Variants in ATP9B observed in about 807,000 individuals in gnomAD.
ATP9B encodes ATPase phospholipid transporting 9B, also known as probable phospholipid-transporting ATPase IIB.
In ATP9B, 110 loss-of-function variants were observed where a neutral mutation model predicts 146.1. That is an observed-to-expected ratio of 0.75 (90% CI 0.65 to 0.88). ATP9B has a LOEUF of 0.88. ATP9B is among the 40% of genes least tolerant of loss of function. The pLI, the probability that ATP9B is intolerant of heterozygous loss-of-function variation, is 0.00. For missense variants in ATP9B, 1,499 were observed against 1,496.4 expected (o/e 1.00, Z -0.03); for synonymous variants, 604 against 569.7 (o/e 1.06, Z -0.86).
intron 26 of ATP9B, among the ~76,000 whole-genome samples, chr18:79,369,635 G>C (rs1216159624): frequency 6.6e-6 from 1 of 152,056 alleles, no homozygotes; most frequent in African/African-American, 2.4e-5. Flanking sequence ...CAGGACAGGA[G>C]TCCTGGCATT....
chr18:79,119,265 G>A (rs1171316246), intron 4 of ATP9B, among the ~76,000 whole-genome samples: 2 of 152,138 alleles, frequency 1.3e-5, no homozygotes, highest in African/African-American at 4.8e-5. Flanking sequence ...TCTTTCTGAA[G>A]AACTTTATTT....
intron 25 of ATP9B, among the ~76,000 whole-genome samples, chr18:79,351,939 C>CAT: frequency 6.6e-6 from 1 of 152,262 alleles, no homozygotes; most frequent in East Asian, 1.9e-4. Context: ...TGGGGAATGC[C>CAT]ATGCCCTCCC....
At chr18:79,312,228 C>T (rs565973767) in intron 15 of ATP9B, among the ~76,000 whole-genome samples, 1 of 152,312 alleles carries the variant, frequency 6.6e-6, no homozygotes, top group East Asian at 1.9e-4. Flanking sequence ...ATGGTGGGTA[C>T]ATGTGGATTG....
chr18:79,184,072 T>G (rs1255205665), intron 8 of ATP9B, among the ~76,000 whole-genome samples: 2 of 152,208 alleles, frequency 1.3e-5, no homozygotes, highest in African/African-American at 4.8e-5. Context: ...ATGTTTTCTT[T>G]TATTGTTTAT....
chr18:79,302,170 T>C (rs2096594763), intron 13 of ATP9B, among the ~76,000 whole-genome samples: 1 of 152,244 alleles, frequency 6.6e-6, no homozygotes, highest in South Asian at 2.1e-4. Context: ...ATTGCAATTT[T>C]GTGCAATGAA....
chr18:79,246,407 C>T (rs1428654588), intron 11 of ATP9B, among the ~76,000 whole-genome samples: 1 of 152,102 alleles, frequency 6.6e-6, no homozygotes, highest in Non-Finnish European at 1.5e-5. Context: ...AGGACACCGC[C>T]CTACTGACTG....
chr18:79,320,632 A>T (rs6506748), intron 15 of ATP9B, among the ~76,000 whole-genome samples: 70,138 of 152,048 alleles, frequency 0.46, 16,385 homozygotes, highest in Middle Eastern at 0.55. Flanking sequence ...TTGGGAGTTG[A>T]AATGACAGGT....
chr18:79,252,317 G>C (rs1334592733), intron 11 of ATP9B, among the ~76,000 whole-genome samples: 1 of 152,204 alleles, frequency 6.6e-6, no homozygotes, highest in Non-Finnish European at 1.5e-5. Context: ...CCAAGGTTAT[G>C]CCGCTAAGTG....
At chr18:79,077,039 GTCCAT>G (rs2072704654) in intron 1 of ATP9B, among the ~76,000 whole-genome samples, 1 of 151,896 alleles carries the variant, frequency 6.6e-6, no homozygotes, top group African/African-American at 2.4e-5. Flanking sequence ...GTTCATAATT[GTCCAT>G]TGAGACATTT....
intron 1 of ATP9B, among the ~76,000 whole-genome samples, chr18:79,080,677 G>T (rs2146505449): frequency 6.6e-6 from 1 of 152,318 alleles, no homozygotes; most frequent in East Asian, 1.9e-4. Context: ...AGTGGTGAGA[G>T]AGGGCATCCT....
At chr18:79,173,346 A>G (rs1568330117) in intron 7 of ATP9B, among the ~76,000 whole-genome samples, 1 of 149,336 alleles carries the variant, frequency 6.7e-6, no homozygotes, top group Non-Finnish European at 1.5e-5. Context: ...AGTCCAATTG[A>G]TTTTTTTTTA....
chr18:79,310,642 C>T (rs2096647323), intron 15 of ATP9B, among the ~76,000 whole-genome samples: 1 of 152,112 alleles, frequency 6.6e-6, no homozygotes, highest in Non-Finnish European at 1.5e-5. Context: ...CACAAACTTC[C>T]AGGATCATGG....
intron 13 of ATP9B, among the ~76,000 whole-genome samples, chr18:79,288,059 G>A (rs2096462933): frequency 6.6e-6 from 1 of 151,814 alleles, no homozygotes; most frequent in African/African-American, 2.4e-5. Context: ...TTTTGGAATA[G>A]GTGTGGTGTG....
At chr18:79,156,509 A>G (rs1010864379) in intron 7 of ATP9B, among the ~76,000 whole-genome samples, 21 of 152,350 alleles carry the variant, frequency 1.4e-4, no homozygotes, top group African/African-American at 4.3e-4. Flanking sequence ...GAATGAATGT[A>G]TGGAACAGAG....
At chr18:79,221,278 A>G (rs2095674258) in intron 11 of ATP9B, among the ~76,000 whole-genome samples, 1 of 152,060 alleles carries the variant, frequency 6.6e-6, no homozygotes, top group African/African-American at 2.4e-5. Context: ...CAGAGGCTTC[A>G]TGTCCTCCTG....
rs565061876 is a variant in ATP9B, at chr18:79,132,412, C to T, written c.667+6037C>T. On this transcript the variant is annotated intron_variant, in intron 5 of 29. Coordinates refer to ENST00000426216, the MANE Select transcript of ATP9B (RefSeq NM_198531.5). Reference sequence around the variant, plus strand: ...CATCGTCCAAGCGGGAGTTGATGTGCTCTCCGAGTTCTAGATGAGAAAGCT... The same window carrying T: ...CATCGTCCAAGCGGGAGTTGATGTGTTCTCCGAGTTCTAGATGAGAAAGCT... Among the ~76,000 whole-genome samples the T allele has an allele frequency of 2.4e-4, 37 of 152,258 alleles. 1 individual carries two copies. The South Asian group carries it at 6.6e-3, about 27-fold the overall frequency.
intron 26 of ATP9B, chr18:79,363,836 G>C (rs920375736): frequency 1.3e-5 from 2 of 152,248 alleles, no homozygotes; most frequent in Non-Finnish European, 2.9e-5. Flanking sequence ...GTTGGGAGGC[G>C]TAAACAGATG....
At chr18:79,336,433 C>T (rs1456109686) in intron 17 of ATP9B, among the ~76,000 whole-genome samples, 195 bp from the exon 18 acceptor site, 2 of 152,330 alleles carry the variant, frequency 1.3e-5, no homozygotes, top group Middle Eastern at 3.4e-3. Context: ...AGATACCAGA[C>T]AGGTCGGGAG....
At chr18:79,301,484 CAA>C (rs1438220290) in intron 13 of ATP9B, among the ~76,000 whole-genome samples, 2 of 152,172 alleles carry the variant, frequency 1.3e-5, no homozygotes, top group Non-Finnish European at 2.9e-5. Context: ...AACAAACAAA[CAA>C]ATGTATGAAG....
Sources: allele counts gnomAD v4.1 joint callset (sites outside exome capture counted in the v4.1 genomes callset), GRCh38; gene constraint gnomAD v4.1.1; transcripts MANE v1.5; gene names NCBI Gene and HGNC (gene_info 2026-07-23, HGNC 2026-07-21).